The following PCDH9 variants were observed in gnomAD, a reference collection of about 807,000 sequenced individuals.
PCDH9 encodes the protein protocadherin-9.
A neutral mutation model predicts 70.6 loss-of-function variants in PCDH9; 24 were observed. The observed-to-expected ratio is 0.34, with a 90% confidence interval of 0.25 to 0.48. PCDH9 has a LOEUF of 0.48. PCDH9 is among the 20% of genes least tolerant of loss of function. PCDH9 has a pLI of 0.99. For synonymous variants in PCDH9, 562 were observed against 558.5 expected, an observed-to-expected ratio of 1.01 and a Z score of -0.09; for missense variants, 1,281 against 1,503.6, an observed-to-expected ratio of 0.85 and a Z score of 2.45.
intron 4 of PCDH9, among the ~76,000 whole-genome samples, chr13:66,505,034 T>C (rs1402825382): frequency 6.6e-6 from 1 of 152,208 alleles, no homozygotes; most frequent in East Asian, 1.9e-4. Flanking sequence ...ATATTATCTA[T>C]AATTATGTAT....
intron 2 of PCDH9, among the ~76,000 whole-genome samples, chr13:67,059,374 A>ATATATATATAGTATATAGTATATATAGTG (rs2085490455): frequency 2.1e-5 from 3 of 144,974 alleles, no homozygotes; most frequent in Admixed American, 1.4e-4. Flanking sequence ...TAGTGTGTAT[A>ATATATATATAGTATATAGTATATATAGTG]TATATATATA....
chr13:67,052,786 C>A (rs1397445742), intron 2 of PCDH9, among the ~76,000 whole-genome samples: 1 of 151,808 alleles, frequency 6.6e-6, no homozygotes, highest in East Asian at 1.9e-4. Flanking sequence ...ACGGTGGAGG[C>A]GGAAGGTGGG....
chr13:66,351,145 A>G (rs1328524012), intron 4 of PCDH9, among the ~76,000 whole-genome samples: 2 of 152,038 alleles, frequency 1.3e-5, no homozygotes, highest in Non-Finnish European at 2.9e-5. Context: ...TAAATACTTT[A>G]CTTTTTTTTT....
intron 3 of PCDH9, among the ~76,000 whole-genome samples, chr13:66,652,883 T>C (rs2077872724): frequency 6.6e-6 from 1 of 151,932 alleles, no homozygotes; most frequent in African/African-American, 2.4e-5. Context: ...ATCAAGAACA[T>C]ACATTGAGGG....
chr13:66,971,126 T>C (rs1038960350), intron 2 of PCDH9, among the ~76,000 whole-genome samples: 1 of 152,062 alleles, frequency 6.6e-6, no homozygotes, highest in Admixed American at 6.6e-5. Flanking sequence ...GCCTTTTAAA[T>C]GGCAGTATAA....
intron 3 of PCDH9, among the ~76,000 whole-genome samples, chr13:66,639,060 T>C (rs765340926): frequency 6.6e-6 from 1 of 152,216 alleles, no homozygotes; most frequent in Non-Finnish European, 1.5e-5. Flanking sequence ...TGATTCCTAG[T>C]TTTATGCATG....
At chr13:67,071,577 C>T (rs1044952139) in intron 2 of PCDH9, among the ~76,000 whole-genome samples, 2 of 151,724 alleles carry the variant, frequency 1.3e-5, no homozygotes, top group East Asian at 1.9e-4. Flanking sequence ...ATAAAAAATT[C>T]GGAGAAATTA....
intron 2 of PCDH9, among the ~76,000 whole-genome samples, chr13:66,958,188 G>C (rs991022896): frequency 6.6e-6 from 1 of 152,194 alleles, no homozygotes; most frequent in Non-Finnish European, 1.5e-5. Context: ...TATGGTTGTA[G>C]CAGAGCAACT....
At chr13:66,981,396 C>T (rs1226659161) in intron 2 of PCDH9, among the ~76,000 whole-genome samples, 1 of 149,338 alleles carries the variant, frequency 6.7e-6, no homozygotes, top group South Asian at 2.1e-4. Context: ...CGAGATCGTG[C>T]CACTGCACTC....
chr13:67,125,067 T>G (rs542223727), intron 2 of PCDH9, among the ~76,000 whole-genome samples: 1 of 152,312 alleles, frequency 6.6e-6, no homozygotes, highest in South Asian at 2.1e-4. Flanking sequence ...CTCATGAAAC[T>G]TCTGACTGGG....
chr13:66,802,002 G>T (rs200896328), intron 3 of PCDH9, among the ~76,000 whole-genome samples: 1 of 40,910 alleles, frequency 2.4e-5, no homozygotes, highest in African/African-American at 4.8e-5. Flanking sequence ...TTTTCTGTTT[G>T]TTTGTTTGTT....
At chr13:67,056,498 G>A (rs2085423122) in intron 2 of PCDH9, among the ~76,000 whole-genome samples, 1 of 152,072 alleles carries the variant, frequency 6.6e-6, no homozygotes, top group African/African-American at 2.4e-5. Flanking sequence ...TCTGTCTCAG[G>A]GGAATAATTT....
intron 3 of PCDH9, among the ~76,000 whole-genome samples, chr13:66,834,462 T>A (rs886911796): frequency 6.6e-6 from 1 of 152,196 alleles, no homozygotes; most frequent in Non-Finnish European, 1.5e-5. Flanking sequence ...TTTTGGTTTC[T>A]GAACTTTTCA....
intron 2 of PCDH9, among the ~76,000 whole-genome samples, chr13:67,170,718 A>G (rs1305894167): frequency 6.6e-6 from 1 of 152,266 alleles, no homozygotes; most frequent in Non-Finnish European, 1.5e-5. Context: ...TGAAGCCAAG[A>G]CTTCAAGACC....
chr13:66,305,567 T>G (rs886671000), intron 4 of PCDH9, among the ~76,000 whole-genome samples: 7 of 152,096 alleles, frequency 4.6e-5, no homozygotes, highest in Non-Finnish European at 1.0e-4. Flanking sequence ...TTTTTCTACA[T>G]AAACACCTTA....
intron 4 of PCDH9, among the ~76,000 whole-genome samples, chr13:66,612,371 A>C (rs1311705812): frequency 6.6e-6 from 1 of 152,226 alleles, no homozygotes; most frequent in African/African-American, 2.4e-5. Flanking sequence ...TGGTGATCAA[A>C]GTCACCATTC....
chr13:66,607,636 C>G (rs1020319043), intron 4 of PCDH9, among the ~76,000 whole-genome samples: 1 of 152,034 alleles, frequency 6.6e-6, no homozygotes, highest in Non-Finnish European at 1.5e-5. Flanking sequence ...TTTCTGTATT[C>G]TCATAGTACC....
chr13:66,517,186 C>T (rs1194139792), intron 4 of PCDH9, among the ~76,000 whole-genome samples: 1 of 152,054 alleles, frequency 6.6e-6, no homozygotes, highest in Non-Finnish European at 1.5e-5. Flanking sequence ...TATAGTTAAA[C>T]TTAAGAACAA....
intron 4 of PCDH9, among the ~76,000 whole-genome samples, chr13:66,513,269 T>C (rs190637836): frequency 2.0e-5 from 3 of 151,954 alleles, no homozygotes; most frequent in East Asian, 3.9e-4. Flanking sequence ...TGTATCCTTT[T>C]ATTATTTTTT....
Sources: gnomAD v4.1 joint callset for allele counts (sites outside exome capture counted in the v4.1 genomes callset) on GRCh38, gnomAD v4.1.1 for gene constraint, MANE v1.5 for transcripts, NCBI Gene and HGNC (gene_info 2026-07-23, HGNC 2026-07-21) for gene names.